JARID2: variants seen among roughly 807,000 people sequenced by gnomAD.
The protein encoded by JARID2 is protein Jumonji.
In JARID2, 21 loss-of-function variants were observed where a neutral mutation model predicts 125.6. The ratio of observed to expected loss-of-function variants is 0.17; its 90% CI spans 0.12 to 0.24. JARID2 has a LOEUF of 0.24. Ranked by LOEUF, JARID2 falls within the 10% of genes least tolerant of loss-of-function variation. The pLI, the probability that JARID2 is intolerant of heterozygous loss-of-function variation, is 1.00. For missense variants in JARID2, 1,303 were observed against 1,639.6 expected, an observed-to-expected ratio of 0.79 and a Z score of 3.55; for synonymous variants, 736 against 661.6, an observed-to-expected ratio of 1.11 and a Z score of -1.73.
intron 9 of JARID2, among the ~76,000 whole-genome samples, 164 bp downstream of exon 9, chr6:15,504,756 G>A (rs865978140): frequency 2.0e-5 from 3 of 152,160 alleles, no homozygotes; most frequent in Non-Finnish European, 2.9e-5. Context: ...GCAGCCAAAT[G>A]TTTTAACTTA....
intron 6 of JARID2, among the ~76,000 whole-genome samples, chr6:15,489,557 G>T (rs897656234): frequency 6.6e-6 from 1 of 152,266 alleles, no homozygotes. Context: ...GGGGATGAGA[G>T]GAATTAGTAC....
chr6:15,400,859 A>G lies in JARID2; in HGVS notation c.182-9365A>G. 2.3e-6 allele frequency: 3 copies of G among 1,285,808 alleles called. 1 individual carries two copies. The South Asian group carries it at 3.7e-5, about 16-fold the overall frequency. 79.6% of individuals were successfully genotyped at this position (1,285,808 alleles called of 1,614,324 possible). On this transcript the variant is annotated intron_variant, in intron 2 of 17. Coordinates refer to ENST00000341776, the MANE Select transcript of JARID2 (RefSeq NM_004973.4). Reference sequence around the variant, plus strand: ...TACGTACAGGGGAGGATTGTTGACAAGTGCTCCGGAGCCTGCCTCACTGCG... The same window carrying G: ...TACGTACAGGGGAGGATTGTTGACAGGTGCTCCGGAGCCTGCCTCACTGCG...
chr6:15,310,421 A>G (rs1348216677), intron 1 of JARID2, among the ~76,000 whole-genome samples: 1 of 152,186 alleles, frequency 6.6e-6, no homozygotes, highest in Non-Finnish European at 1.5e-5. Context: ...ACCCTCTCCC[A>G]CATTACTCCA....
chr6:15,357,478 A>G (rs1489034803), intron 1 of JARID2, among the ~76,000 whole-genome samples: 4 of 152,338 alleles, frequency 2.6e-5, no homozygotes, highest in East Asian at 1.9e-4. Flanking sequence ...CTGATACTCA[A>G]AATGGGTCTA....
chr6:15,323,508 T>C (rs1315637149), intron 1 of JARID2, among the ~76,000 whole-genome samples: 1 of 152,240 alleles, frequency 6.6e-6, no homozygotes, highest in Non-Finnish European at 1.5e-5. Flanking sequence ...ACCCTACTGC[T>C]GTCCTTTTAC....
At chr6:15,410,084 CA>C (rs1765814616) in intron 2 of JARID2, 139 bp from the exon 3 acceptor site, 2 of 714,796 alleles carry the variant, frequency 2.8e-6, no homozygotes, top group Admixed American at 3.1e-5. Flanking sequence ...TCCACCCATT[CA>C]AAAGGGATGT....
intron 8 of JARID2, 43 bp downstream of exon 8, chr6:15,501,452 C>T (rs754912407): frequency 1.6e-5 from 24 of 1,503,184 alleles, no homozygotes; most frequent in Non-Finnish European, 1.4e-5. Context: ...TGCAGGAGTG[C>T]GGGAGGAATG....
At chr6:15,498,606 G>A (rs932371329) in intron 7 of JARID2, among the ~76,000 whole-genome samples, 2 of 152,236 alleles carry the variant, frequency 1.3e-5, no homozygotes, top group Non-Finnish European at 2.9e-5. Flanking sequence ...GCATGGAGAC[G>A]TGTAGCCATC....
intron 1 of JARID2, among the ~76,000 whole-genome samples, chr6:15,249,356 G>T (rs1561745309): frequency 6.6e-6 from 1 of 152,126 alleles, no homozygotes; most frequent in Non-Finnish European, 1.5e-5. Context: ...CCTTTGCTGT[G>T]CCGGCTCTGT....
intron 11 of JARID2, among the ~76,000 whole-genome samples, chr6:15,508,084 C>T (rs2076057): frequency 0.19 from 29,256 of 152,248 alleles, 3,122 homozygotes; most frequent in Middle Eastern, 0.32. Flanking sequence ...CATTCCTCAC[C>T]AGGTCAGGTT....
chr6:15,419,952 G>A (rs753417365), intron 3 of JARID2, among the ~76,000 whole-genome samples: 3 of 152,050 alleles, frequency 2.0e-5, no homozygotes, highest in East Asian at 3.8e-4. Context: ...GTGTGCATTC[G>A]TCTCCCCTTT....
chr6:15,502,379 CCT>C (rs1210097716), intron 8 of JARID2, among the ~76,000 whole-genome samples: 2 of 152,250 alleles, frequency 1.3e-5, no homozygotes, highest in East Asian at 3.8e-4. Flanking sequence ...ACAGACTTGT[CCT>C]CTGTGGTCCC....
At chr6:15,439,326 C>T (rs1243453914) in intron 3 of JARID2, among the ~76,000 whole-genome samples, 2 of 152,124 alleles carry the variant, frequency 1.3e-5, no homozygotes, top group Non-Finnish European at 2.9e-5. Context: ...TACTTGCACC[C>T]CTGCTGTTAT....
At chr6:15,325,131 A>G (rs1469935431) in intron 1 of JARID2, among the ~76,000 whole-genome samples, 2 of 152,088 alleles carry the variant, frequency 1.3e-5, no homozygotes, top group Non-Finnish European at 2.9e-5. Flanking sequence ...CTTCCTCTTC[A>G]AACATGGTTT....
intron 6 of JARID2, among the ~76,000 whole-genome samples, chr6:15,491,988 C>A (rs969318102): frequency 6.6e-6 from 1 of 152,164 alleles, no homozygotes; most frequent in South Asian, 2.1e-4. Context: ...CTCATCTGGC[C>A]GAACGTAACT....
chr6:15,397,355 G>A (rs1232610479), intron 2 of JARID2, among the ~76,000 whole-genome samples: 1 of 152,112 alleles, frequency 6.6e-6, no homozygotes, highest in Non-Finnish European at 1.5e-5. Flanking sequence ...TCTGTATTAT[G>A]TGAAATTCTC....
chr6:15,417,627 C>A (rs935959331), intron 3 of JARID2, among the ~76,000 whole-genome samples: 2 of 151,984 alleles, frequency 1.3e-5, no homozygotes, highest in African/African-American at 4.8e-5. Context: ...GCCTGTAGTC[C>A]CAGTTACAGG....
chr6:15,459,968 A>G (rs148345368), intron 4 of JARID2, among the ~76,000 whole-genome samples: 150 of 152,330 alleles, frequency 9.8e-4, no homozygotes, highest in African/African-American at 3.4e-3. Flanking sequence ...CACTGTCTCC[A>G]GTGGTACACA....
At chr6:15,424,248 A>G (rs1312505375) in intron 3 of JARID2, among the ~76,000 whole-genome samples, 1 of 151,446 alleles carries the variant, frequency 6.6e-6, no homozygotes, top group African/African-American at 2.4e-5. Context: ...AATTACAGTC[A>G]TGAGCCACTG....
Sources: gnomAD v4.1 joint callset for allele counts (sites outside exome capture counted in the v4.1 genomes callset) on GRCh38, gnomAD v4.1.1 for gene constraint, MANE v1.5 for transcripts, NCBI Gene and HGNC (gene_info 2026-07-23, HGNC 2026-07-21) for gene names.